Variants in HIPK3 observed in about 807,000 individuals in gnomAD.
HIPK3 encodes homeodomain-interacting protein kinase 3.
In HIPK3, 47 loss-of-function variants were observed where a neutral mutation model predicts 124.2. The observed-to-expected ratio is 0.38, with a 90% CI of 0.30 to 0.48. The LOEUF (loss-of-function observed/expected upper bound fraction) is 0.48, where lower values mean the gene tolerates loss of function less well. Ranked by LOEUF, HIPK3 falls within the 20% of genes least tolerant of loss-of-function variation. The pLI is 0.98. For missense variants in HIPK3, 1,286 were observed against 1,454.3 expected (o/e 0.88, Z 1.88); for synonymous variants, 482 against 515.2 (o/e 0.94, Z 0.87).
chr11:33,287,799 GA>G (rs1204593627), intron 2 of HIPK3, among the ~76,000 whole-genome samples: 1 of 152,156 alleles, frequency 6.6e-6, no homozygotes, highest in Non-Finnish European at 1.5e-5. Context: ...TGATCAAACA[GA>G]AGTCTTTAAA....
intron 2 of HIPK3, among the ~76,000 whole-genome samples, chr11:33,325,496 C>T (rs1182621942): frequency 1.3e-5 from 2 of 152,196 alleles, no homozygotes; most frequent in South Asian, 2.1e-4. Context: ...ATTTCCACGC[C>T]GTACTTTCAA....
intron 2 of HIPK3, among the ~76,000 whole-genome samples, chr11:33,302,342 C>CTTTTTTTTTTTTTTTTTTTTTTTTTT (rs58735030): frequency 7.4e-6 from 1 of 135,706 alleles, no homozygotes; most frequent in African/African-American, 2.7e-5. Flanking sequence ...TTCCTTACTT[C>CTTTTTTTTTTTTTTTTTTTTTTTTTT]TTTTTTTTTT....
At position 33,341,114 on chromosome 11, in the gene HIPK3, C is replaced by A; in HGVS notation, c.1760C>A (p.Thr587Lys). The change falls in exon 7 of 17, where the codon ACA (threonine) becomes AAA (lysine). Residue 587 changes from threonine (T) to lysine (K), a missense_variant. Thr to Lys is a moderately conservative substitution (Grantham distance 78, BLOSUM62 -1). Coordinates refer to ENST00000303296, the MANE Select transcript of HIPK3 (RefSeq NM_005734.5). The part of the protein sequence containing the change: ...TLTANFTKIG[T>K]LRSQALTTSA... Reference sequence around the variant, plus strand: ...ACTGCAAATTTTACTAAAATCGGAACATTAAGAAGTCAGGTAAGAATGTGT... The same window carrying A: ...ACTGCAAATTTTACTAAAATCGGAAAATTAAGAAGTCAGGTAAGAATGTGT... 1 of 1,587,924 alleles carries A rather than the reference C, an allele frequency of 6.3e-7. No homozygotes were observed. The highest frequency in any genetic ancestry group is 8.5e-7 in the Non-Finnish European group (1 of 1,170,516).
Position 33,304,449 on chromosome 11 carries a change from C to T in HIPK3, c.1097+16938C>T, listed in dbSNP as rs561005064. ...GCGCATGCCTGTAATCCCAGCTACT[C>T]GGGAGGTTGAGGCAAGAGAATTGCC... On this transcript the variant is annotated intron_variant, in intron 2 of 16. Transcript: ENST00000303296. Among the ~76,000 whole-genome samples, 215 of 151,858 alleles carry T rather than the reference C, an allele frequency of 1.4e-3. 3 individuals carry two copies. Among genetic ancestry groups the T allele is most frequent in the Middle Eastern group, 3.4e-3 (1 of 294 alleles).
intron 14 of HIPK3, among the ~76,000 whole-genome samples, chr11:33,350,005 T>C (rs1853610230): frequency 6.6e-6 from 1 of 152,114 alleles, no homozygotes; most frequent in Admixed American, 6.6e-5. Flanking sequence ...CCTCAGGTGA[T>C]CTGCCTGCCT....
At chr11:33,337,608 C>T (rs376369772) in intron 4 of HIPK3, among the ~76,000 whole-genome samples, 7 of 151,172 alleles carry the variant, frequency 4.6e-5, no homozygotes, top group African/African-American at 1.7e-4. Flanking sequence ...TGCCCACCTC[C>T]GCCTCCCAAC....
intron 2 of HIPK3, among the ~76,000 whole-genome samples, chr11:33,299,079 T>C (rs902691323): frequency 2.0e-5 from 3 of 151,378 alleles, no homozygotes; most frequent in Non-Finnish European, 4.4e-5. Context: ...ACCCCTGACC[T>C]CAAGTGATCT....
chr11:33,287,737 G>A (rs1023122550), intron 2 of HIPK3, among the ~76,000 whole-genome samples: 1 of 151,916 alleles, frequency 6.6e-6, no homozygotes, highest in Non-Finnish European at 1.5e-5. Flanking sequence ...AAAGACATCT[G>A]GTTATTTTTA....
intron 2 of HIPK3, among the ~76,000 whole-genome samples, chr11:33,308,979 TAATAA>T (rs745700217): frequency 9.9e-5 from 15 of 151,918 alleles, no homozygotes; most frequent in Non-Finnish European, 2.1e-4. Flanking sequence ...AAAATAGTAA[TAATAA>T]AATAAAAAGG....
Position 33,349,256 on chromosome 11 carries a change from TC to T in HIPK3, c.2778del (p.Ser927AlafsTer75). 1 of 1,613,782 alleles carries T rather than the reference TC, an allele frequency of 6.2e-7. No individual in the cohort carries two copies. On this transcript the variant is annotated frameshift_variant, in exon 14 of 17. Coordinates refer to ENST00000303296, the MANE Select transcript of HIPK3 (RefSeq NM_005734.5). LOFTEE classifies it high-confidence loss of function. ...STLSTSSSGQ[S>X]SPSPCKRPNS... ...TCTGAGTACCAGCTCCTCAGGGCAG[TC>T]CAGCCCATCCCCCTGCAAGAGACCG... is the stretch of plus-strand genomic sequence containing the variant.
chr11:33,352,226 G>T lies in HIPK3; in HGVS notation c.3132G>T (p.Leu1044Phe). ...CAGTGGGTACTCGTCAGCAAAAATT[G>T]ACATCAGCATTCCAGCAGCAGCATT... The part of the protein sequence containing the change: ...PSAVGTRQQK[L>F]TSAFQQQHLN... The change falls in exon 16 of 17, where the codon TTG becomes TTT. Residue 1044 changes from leucine (L) to phenylalanine (F), a missense_variant. Leu to Phe is a conservative substitution (Grantham distance 22). Transcript: ENST00000303296. The T allele has an allele frequency of 6.2e-7, 1 of 1,614,014 alleles. No homozygotes were observed. The highest frequency in any genetic ancestry group is 1.1e-5 in the South Asian group (1 of 91,062).
At position 33,286,478 on chromosome 11, in the gene HIPK3, A is replaced by C; in HGVS notation, c.64A>C (p.Ser22Arg). 6.2e-7 allele frequency: 1 copy of C among 1,602,062 alleles called. No individual in the cohort carries two copies. Among genetic ancestry groups the C allele is most frequent in the South Asian group, 1.1e-5 (1 of 90,848 alleles). ...VYQTQSSAFC[S>R]VKKLKVEPSS... Reference sequence around the variant, plus strand: ...TCAAACTCAGTCAAGTGCCTTTTGTAGTGTGAAGAAACTCAAAGTAGAGCC... The same window carrying C: ...TCAAACTCAGTCAAGTGCCTTTTGTCGTGTGAAGAAACTCAAAGTAGAGCC... The change falls in exon 2 of 17, where the codon AGT (serine) becomes CGT (arginine). Residue 22 changes from serine to arginine, a missense_variant. Ser to Arg is a moderately radical substitution (Grantham distance 110). Coordinates refer to ENST00000303296, the MANE Select transcript of HIPK3 (RefSeq NM_005734.5).
chr11:33,286,932 A>C lies in HIPK3; in HGVS notation c.518A>C (p.Gln173Pro). ...TVVTATTGSK[Q>P]NCTTGEGDYQ... ...GTGACAGCTACCACAGGATCAAAAC[A>C]GAATTGTACCACTGGAGAAGGTGAC... The change falls in exon 2 of 17, where the codon CAG becomes CCG. Residue 173 changes from glutamine to proline, a missense_variant. Coordinates refer to ENST00000303296, the MANE Select transcript of HIPK3 (RefSeq NM_005734.5). 1 of 1,614,222 alleles carries C rather than the reference A, an allele frequency of 6.2e-7. No individual in the cohort carries two copies. The highest frequency in any genetic ancestry group is 8.5e-7 in the Non-Finnish European group (1 of 1,180,020).
rs1851576177 is a variant in HIPK3, at chr11:33,287,026, T to C, written c.612T>C (p.Gly204=). The C allele has an allele frequency of 6.2e-7, 1 of 1,614,188 alleles. No individual in the cohort carries two copies. The highest frequency in any genetic ancestry group is 2.2e-5 in the East Asian group (1 of 44,884). The stretch of plus-strand genomic sequence containing the variant: ...CTTACGAAGTCCTTGATTTTCTTGG[T>C]CGAGGCACGTTTGGCCAGGTAGTTA... ...KNTYEVLDFL[G]RGTFGQVVKC... is the part of the protein sequence containing the mutation. The change falls in exon 2 of 17, where the codon GGT becomes GGC. Residue 204 remains glycine, a synonymous_variant. Transcript: ENST00000303296.
At chr11:33,295,855 T>TA (rs1851830978) in intron 2 of HIPK3, among the ~76,000 whole-genome samples, 1 of 152,238 alleles carries the variant, frequency 6.6e-6, no homozygotes, top group South Asian at 2.1e-4. Context: ...GCCAGGTTTT[T>TA]ATCACTATAA....
intron 8 of HIPK3, among the ~76,000 whole-genome samples, chr11:33,346,574 CTAAAAG>C (rs934730469): frequency 6.6e-6 from 1 of 152,084 alleles, no homozygotes; most frequent in African/African-American, 2.4e-5. Flanking sequence ...CTAAGCATAG[CTAAAAG>C]TTTGTATGAA....
rs61598767 is a variant in HIPK3 at position 33,282,680 on chromosome 11, CAA to C, written c.-2-3722_-2-3721del. On this transcript the variant is annotated intron_variant, in intron 1 of 16. Transcript: ENST00000303296. The stretch of plus-strand genomic sequence containing the variant: ...CCTGGGCAATAGAGCGAGACTGTAT[CAA>C]AAAAAAAAAATTATCTGTGAATTTA... Among the ~76,000 whole-genome samples, 28 of 146,602 alleles carry C rather than the reference CAA, an allele frequency of 1.9e-4. No homozygotes were observed. In the East Asian group the frequency reaches 2.0e-3, roughly 10 times the overall value.
In HIPK3 at chr11:33,347,647, C is replaced by T. The variant is rs762020370; in HGVS notation, c.2038C>T (p.Gln680Ter). ...CAAGCAGACGTGGTCTGGTAGAACA[C>T]AGCAGATGCTGGTGCCTGCCTGGCA... Reference protein sequence around the residue: ...VLSQTWSGRTQQMLVPAWQQV... With the variant: ...VLSQTWSGRT Residue 680 changes from glutamine (Q) to a stop codon, truncating the protein, a stop_gained, in exon 10 of 17, where the codon CAG (glutamine) becomes TAG (stop). Transcript: ENST00000303296. LOFTEE classifies it high-confidence loss of function. 6.2e-7 allele frequency: 1 copy of T among 1,614,088 alleles called. No individual in the cohort carries two copies. The highest frequency in any genetic ancestry group is 1.1e-5 in the South Asian group (1 of 91,082).
intron 2 of HIPK3, among the ~76,000 whole-genome samples, chr11:33,290,744 A>G (rs949133035): frequency 1.3e-5 from 2 of 151,862 alleles, no homozygotes; most frequent in Non-Finnish European, 2.9e-5. Context: ...ATATTTTATG[A>G]TACTGGTTTC....
Sources: gnomAD v4.1 joint callset for allele counts (sites outside exome capture counted in the v4.1 genomes callset) on GRCh38, gnomAD v4.1.1 for gene constraint, MANE v1.5 for transcripts, NCBI Gene and HGNC (gene_info 2026-07-23, HGNC 2026-07-21) for gene names.